LRRC74A: variants seen among roughly 807,000 people sequenced by gnomAD.
The protein encoded by LRRC74A is leucine-rich repeat-containing protein 74A.
In LRRC74A, 44 loss-of-function variants were observed where a neutral mutation model predicts 57.9. The observed-to-expected ratio is 0.76, with a 90% CI of 0.60 to 0.98. LRRC74A has a LOEUF of 0.98. Among genes scored for constraint, LRRC74A ranks in the 50% least tolerant of loss-of-function variants. The pLI is 0.00. For synonymous variants in LRRC74A, 211 were observed against 219.4 expected (o/e 0.96, Z 0.34); for missense variants, 572 against 574.0 (o/e 1.00, Z 0.04).
At chr14:76,844,726 A>T (rs1329539335) in intron 6 of LRRC74A, 94 bp from the exon 7 acceptor site, 16 of 759,766 alleles carry the variant, frequency 2.1e-5, no homozygotes, top group Middle Eastern at 2.4e-4. Flanking sequence ...TTTTTGGTAC[A>T]TCAGAGCCCC....
chr14:76,832,416 T>C (rs1896034793), intron 3 of LRRC74A, among the ~76,000 whole-genome samples: 1 of 152,204 alleles, frequency 6.6e-6, no homozygotes, highest in Non-Finnish European at 1.5e-5. Context: ...TAAGTGATCC[T>C]CCTGCCTCAG....
At chr14:76,847,074 T>C (rs1004716642) in intron 7 of LRRC74A, among the ~76,000 whole-genome samples, 3 of 151,280 alleles carry the variant, frequency 2.0e-5, no homozygotes, top group Non-Finnish European at 2.9e-5. Context: ...GTCTGAGGAG[T>C]GGTCAGTCAA....
rs188650000 is a variant in LRRC74A, at chr14:76,847,914, C to T, written c.676+3013C>T. Among the ~76,000 whole-genome samples, 542 of 152,206 alleles carry T rather than the reference C, an allele frequency of 3.6e-3. 4 individuals carry two copies. Among genetic ancestry groups the T allele is most frequent in the Non-Finnish European group, 4.8e-3 (329 of 68,014 alleles). On this transcript the variant is annotated intron_variant, in intron 7 of 13. Transcript: ENST00000689127. ...TTGGGCTGGGTACAGTGTCTCACAC[C>T]TGTAATCCCAGCACTTTGGGAGGCT...
intron 9 of LRRC74A, among the ~76,000 whole-genome samples, chr14:76,853,787 C>T (rs1002222311): frequency 1.3e-5 from 2 of 152,070 alleles, no homozygotes; most frequent in Admixed American, 1.3e-4. Context: ...GGGTCTGGCT[C>T]TGTCCCCCAG....
At chr14:76,829,135 A>G in intron 2 of LRRC74A, 1 of 1,289,252 alleles carries the variant, frequency 7.8e-7, no homozygotes, top group Non-Finnish European at 1.0e-6. Flanking sequence ...TTGTGAAGCA[A>G]GAGAATGACG....
chr14:76,858,777 T>C (rs938247683), intron 10 of LRRC74A, among the ~76,000 whole-genome samples: 2 of 151,986 alleles, frequency 1.3e-5, no homozygotes, highest in Admixed American at 6.6e-5. Flanking sequence ...TTAGTAGAGA[T>C]GGGGTTTCAC....
intron 11 of LRRC74A, 83 bp from the exon 12 acceptor site, chr14:76,865,885 G>C: frequency 9.2e-7 from 1 of 1,084,118 alleles, no homozygotes. Context: ...AGCATGGGCC[G>C]CTCTTTTGTG....
At chr14:76,867,499 G>A in intron 13 of LRRC74A, 61 bp downstream of exon 13, 4 of 855,334 alleles carry the variant, frequency 4.7e-6, no homozygotes, top group Non-Finnish European at 4.0e-6. Context: ...GGGCTGATGT[G>A]AGCTCCTCCA....
intron 3 of LRRC74A, among the ~76,000 whole-genome samples, chr14:76,832,419 T>C (rs1896035217): frequency 6.6e-6 from 1 of 152,192 alleles, no homozygotes; most frequent in Non-Finnish European, 1.5e-5. Flanking sequence ...GTGATCCTCC[T>C]GCCTCAGCCT....
rs1297149694 is a variant in LRRC74A, at chr14:76,863,565, C to T, written c.1201-2403C>T. Among the ~76,000 whole-genome samples, 6 of 152,328 alleles carry T rather than the reference C, an allele frequency of 3.9e-5. No individual in the cohort carries two copies. In the East Asian group the frequency reaches 5.8e-4, roughly 15 times the overall value. ...CTTGGATTCCCTGGTCAAGAGCGAA[C>T]GCCCTTCGTGTTCCCGAAGCCCTTG... On this transcript the variant is annotated intron_variant, in intron 11 of 13. Coordinates refer to ENST00000689127, the MANE Select transcript of LRRC74A (RefSeq NM_001385106.1).
At chr14:76,839,707 CTG>C (rs1225335009) in intron 5 of LRRC74A, among the ~76,000 whole-genome samples, 3 of 152,072 alleles carry the variant, frequency 2.0e-5, no homozygotes, top group African/African-American at 7.2e-5. Flanking sequence ...GTTAGTGTGA[CTG>C]AGTTTTAGCC....
intron 11 of LRRC74A, among the ~76,000 whole-genome samples, chr14:76,862,443 TCGCTCGA>T (rs35974454): frequency 0.98 from 149,383 of 151,916 alleles, 73,488 homozygotes; most frequent in South Asian, 1. Context: ...GGCACAAGAA[TCGCTCGA>T]CGCTTGAACC....
At chr14:76,841,166 C>T (rs1232973452) in intron 5 of LRRC74A, among the ~76,000 whole-genome samples, 2 of 152,156 alleles carry the variant, frequency 1.3e-5, no homozygotes, top group Non-Finnish European at 2.9e-5. Flanking sequence ...CTCAGCCTCC[C>T]GAGTAGCTGG....
At chr14:76,830,489 T>G (rs1170370085) in intron 2 of LRRC74A, among the ~76,000 whole-genome samples, 1 of 152,242 alleles carries the variant, frequency 6.6e-6, no homozygotes, top group Non-Finnish European at 1.5e-5. Context: ...GTTAGCTGGT[T>G]TTAGCATTGA....
intron 9 of LRRC74A, among the ~76,000 whole-genome samples, chr14:76,855,566 T>C (rs1897819862): frequency 6.6e-6 from 1 of 152,208 alleles, no homozygotes; most frequent in Admixed American, 6.5e-5. Flanking sequence ...CACATCAACT[T>C]TGCCACAGGA....
chr14:76,868,242 C>A (rs1023258060), intron 13 of LRRC74A, among the ~76,000 whole-genome samples: 2 of 152,136 alleles, frequency 1.3e-5, no homozygotes, highest in African/African-American at 4.8e-5. Flanking sequence ...ACAGGAGGAT[C>A]ACTTGAGCCC....
intron 7 of LRRC74A, among the ~76,000 whole-genome samples, chr14:76,847,705 CT>C (rs1215785261): frequency 6.6e-6 from 1 of 151,284 alleles, no homozygotes; most frequent in East Asian, 1.9e-4. Context: ...AAAAAAAGTG[CT>C]GTTTTAGTGG....
At chr14:76,866,134 C>G in intron 12 of LRRC74A, 59 bp downstream of exon 12, 1 of 1,276,778 alleles carries the variant, frequency 7.8e-7, no homozygotes, top group East Asian at 2.5e-5. Flanking sequence ...GTTTGTGTGT[C>G]AGAGAGAGGG....
intron 9 of LRRC74A, among the ~76,000 whole-genome samples, chr14:76,855,149 A>T (rs1037720559): frequency 1.3e-5 from 2 of 152,232 alleles, no homozygotes; most frequent in Non-Finnish European, 2.9e-5. Context: ...CTAAGAGGAC[A>T]GGAGGAAGCC....
Sources: gnomAD v4.1 joint callset for allele counts (sites outside exome capture counted in the v4.1 genomes callset) on GRCh38, gnomAD v4.1.1 for gene constraint, MANE v1.5 for transcripts, NCBI Gene and HGNC (gene_info 2026-07-23, HGNC 2026-07-21) for gene names.